NKAIN2: variants seen among roughly 807,000 people sequenced by gnomAD.
NKAIN2 encodes the protein sodium/potassium-transporting ATPase subunit beta-1-interacting protein 2.
In NKAIN2, 14 loss-of-function variants were observed where a neutral mutation model predicts 32.6. That is an observed-to-expected ratio of 0.43 (90% CI 0.28 to 0.67). The LOEUF is 0.67. NKAIN2 is among the 30% of genes least tolerant of loss of function. NKAIN2 has a pLI of 0.17. For missense variants in NKAIN2, 198 were observed against 258.3 expected (o/e 0.77, Z 1.60); for synonymous variants, 80 against 87.2 (o/e 0.92, Z 0.46).
intron 5 of NKAIN2, among the ~76,000 whole-genome samples, chr6:124,817,771 G>A (rs761078293): frequency 6.6e-6 from 1 of 152,112 alleles, no homozygotes; most frequent in Non-Finnish European, 1.5e-5. Flanking sequence ...ATATCTTATT[G>A]TATCTTACAT....
intron 3 of NKAIN2, among the ~76,000 whole-genome samples, chr6:124,552,931 A>T (rs1326008907): frequency 6.6e-6 from 1 of 152,232 alleles, no homozygotes. Context: ...GTGTACTCCA[A>T]ACCGCTCAAA....
At chr6:124,344,911 A>G (rs1252582720) in intron 2 of NKAIN2, among the ~76,000 whole-genome samples, 2 of 152,170 alleles carry the variant, frequency 1.3e-5, no homozygotes, top group Non-Finnish European at 2.9e-5. Flanking sequence ...GTCTTGTGCC[A>G]GTTTTCAAAG....
intron 3 of NKAIN2, among the ~76,000 whole-genome samples, chr6:124,610,468 G>A (rs941372434): frequency 2.6e-5 from 4 of 152,146 alleles, no homozygotes; most frequent in Non-Finnish European, 5.9e-5. Context: ...ATAGCAAAGG[G>A]AGAACTAATA....
intron 1 of NKAIN2, among the ~76,000 whole-genome samples, chr6:123,924,333 C>A (rs906617313): frequency 1.3e-5 from 2 of 152,174 alleles, no homozygotes; most frequent in Middle Eastern, 3.2e-3. Context: ...AATTTCAAAT[C>A]TCACATATAT....
chr6:124,348,560 C>T (rs984437576), intron 2 of NKAIN2, among the ~76,000 whole-genome samples: 12 of 152,194 alleles, frequency 7.9e-5, no homozygotes, highest in African/African-American at 1.2e-4. Flanking sequence ...CCCCCAGCCT[C>T]GCTGCTGCCT....
chr6:124,304,026 A>T (rs1201141680), intron 2 of NKAIN2, among the ~76,000 whole-genome samples: 1 of 152,176 alleles, frequency 6.6e-6, no homozygotes, highest in Admixed American at 6.5e-5. Flanking sequence ...CATGGAGATG[A>T]TGGCTTTAGT....
At chr6:124,437,871 G>GTTTTT (rs751652394) in intron 3 of NKAIN2, 23 of 345,722 alleles carry the variant, frequency 6.7e-5, no homozygotes, top group African/African-American at 4.9e-4. Flanking sequence ...CTGATCTATT[G>GTTTTT]ATTTTTTTTT....
intron 3 of NKAIN2, among the ~76,000 whole-genome samples, chr6:124,566,787 C>A (rs1411138229): frequency 1.3e-5 from 2 of 151,806 alleles, no homozygotes; most frequent in African/African-American, 4.8e-5. Flanking sequence ...ACTAAAAAAA[C>A]CTTAATTTAG....
chr6:124,198,799 T>C (rs1224102957), intron 1 of NKAIN2, among the ~76,000 whole-genome samples: 1 of 152,136 alleles, frequency 6.6e-6, no homozygotes, highest in Non-Finnish European at 1.5e-5. Flanking sequence ...AGACAGTTTG[T>C]GTGTCCTGTA....
In NKAIN2 at chr6:124,820,832, T is replaced by C. The variant is rs1048503128; in HGVS notation, c.617+2364T>C. On this transcript the variant is annotated intron_variant, in intron 6 of 6. Transcript: ENST00000368417. ...AGGTTTTGTGATCCTTATGAGAATC[T>C]AATGCCTGATGATCTGAGGTGGAAC... is the stretch of plus-strand genomic sequence containing the variant. Among the ~76,000 whole-genome samples the C allele has an allele frequency of 1.1e-4, 16 of 152,138 alleles. 1 individual carries two copies. Among genetic ancestry groups the C allele is most frequent in the African/African-American group, 3.4e-4 (14 of 41,420 alleles).
chr6:124,813,411 G>T (rs1053285076), intron 5 of NKAIN2, among the ~76,000 whole-genome samples: 3 of 151,968 alleles, frequency 2.0e-5, no homozygotes, highest in African/African-American at 7.3e-5. Flanking sequence ...ACAGAAGGAG[G>T]AATCTACAAC....
intron 1 of NKAIN2, among the ~76,000 whole-genome samples, chr6:124,259,839 A>G (rs891921281): frequency 6.6e-6 from 1 of 152,118 alleles, no homozygotes; most frequent in African/African-American, 2.4e-5. Flanking sequence ...TTCACCTTTC[A>G]TCATTCTTCA....
chr6:123,846,405 G>T (rs1193159500), intron 1 of NKAIN2, among the ~76,000 whole-genome samples: 3 of 152,176 alleles, frequency 2.0e-5, no homozygotes, highest in Non-Finnish European at 2.9e-5. Context: ...GCCAAGTAAA[G>T]GAGAGATGCA....
At chr6:124,406,248 G>A (rs1404633209) in intron 3 of NKAIN2, among the ~76,000 whole-genome samples, 2 of 151,956 alleles carry the variant, frequency 1.3e-5, no homozygotes, top group African/African-American at 4.8e-5. Flanking sequence ...TACCACCTGA[G>A]CTGTTCCTAG....
At chr6:123,975,453 G>T (rs752315456) in intron 1 of NKAIN2, among the ~76,000 whole-genome samples, 26 of 152,254 alleles carry the variant, frequency 1.7e-4, no homozygotes, top group Admixed American at 3.3e-4. Context: ...ATCATTTAAA[G>T]AAATTCTTTT....
intron 1 of NKAIN2, among the ~76,000 whole-genome samples, chr6:123,864,975 A>G (rs1338987550): frequency 6.6e-6 from 1 of 152,138 alleles, no homozygotes; most frequent in South Asian, 2.1e-4. Flanking sequence ...TTTTATAGTC[A>G]TCTGTGCTCC....
chr6:123,846,319 C>T (rs1775088896), intron 1 of NKAIN2, among the ~76,000 whole-genome samples: 1 of 152,106 alleles, frequency 6.6e-6, no homozygotes, highest in Non-Finnish European at 1.5e-5. Context: ...TCCTGCCACT[C>T]CAAATAGGTT....
At chr6:124,790,744 G>A (rs548856929) in intron 4 of NKAIN2, among the ~76,000 whole-genome samples, 4 of 152,174 alleles carry the variant, frequency 2.6e-5, no homozygotes, top group Non-Finnish European at 4.4e-5. Flanking sequence ...ACGATGCGAC[G>A]TGTGTAATGC....
At chr6:124,173,736 A>G (rs1457038063) in intron 1 of NKAIN2, among the ~76,000 whole-genome samples, 1 of 152,120 alleles carries the variant, frequency 6.6e-6, no homozygotes. Flanking sequence ...TAATTTGAAT[A>G]TCCCTCTTCT....
Sources: allele counts gnomAD v4.1 joint callset (sites outside exome capture counted in the v4.1 genomes callset), GRCh38; gene constraint gnomAD v4.1.1; transcripts MANE v1.5; gene names NCBI Gene and HGNC (gene_info 2026-07-23, HGNC 2026-07-21).